CREB1: variants seen among roughly 807,000 people sequenced by gnomAD.
CREB1 encodes the protein cyclic AMP-responsive element-binding protein 1.
CREB1 carries 2 observed loss-of-function variants against 42.0 expected under a neutral mutation model. That is an observed-to-expected ratio of 0.05 (90% CI 0.02 to 0.15). CREB1 has a LOEUF of 0.15. Ranked by LOEUF, CREB1 falls within the 10% of genes least tolerant of loss-of-function variation. The probability of loss-of-function intolerance (pLI) is 1.00; values close to 1 mark genes in which losing one functional copy is unlikely to be tolerated. For synonymous variants in CREB1, 123 were observed against 139.9 expected, an observed-to-expected ratio of 0.88 and a Z score of 0.85; for missense variants, 199 against 388.9, an observed-to-expected ratio of 0.51 and a Z score of 4.11.
intron 7 of CREB1, among the ~76,000 whole-genome samples, chr2:207,588,438 A>G (rs1308910266): frequency 1.3e-5 from 2 of 152,104 alleles, no homozygotes; most frequent in Non-Finnish European, 2.9e-5. Context: ...AGTTCTGTAT[A>G]ATAAGTCTTG....
At chr2:207,579,173 A>T (rs577024688) in intron 7 of CREB1, among the ~76,000 whole-genome samples, 79 of 152,260 alleles carry the variant, frequency 5.2e-4, no homozygotes, top group South Asian at 2.1e-3. Context: ...TGCATTCATA[A>T]TTCAAATATA....
chr2:207,553,925 AAAAT>A (rs374772346), intron 1 of CREB1, among the ~76,000 whole-genome samples: 206 of 152,324 alleles, frequency 1.4e-3, no homozygotes, highest in South Asian at 4.6e-3. Flanking sequence ...CTTTTTTAAA[AAAAT>A]AAATGGGGCT....
At chr2:207,551,761 G>A (rs540792650) in intron 1 of CREB1, among the ~76,000 whole-genome samples, 7 of 152,000 alleles carry the variant, frequency 4.6e-5, no homozygotes, top group African/African-American at 1.2e-4. Context: ...GACATTTTTC[G>A]GCTGGGCACA....
At chr2:207,550,372 A>G (rs2081458543) in intron 1 of CREB1, 1 of 136,456 alleles carries the variant, frequency 7.3e-6, no homozygotes, top group Non-Finnish European at 1.6e-5. Context: ...CATGTGTTCC[A>G]TTAGTTATGA....
chr2:207,586,016 G>A (rs1180138443), intron 7 of CREB1, among the ~76,000 whole-genome samples: 3 of 152,068 alleles, frequency 2.0e-5, no homozygotes, highest in Non-Finnish European at 4.4e-5. Context: ...ATACAGGAAG[G>A]TCATATGTAC....
intron 7 of CREB1, 73 bp downstream of exon 7, chr2:207,577,728 A>C (rs1574883486): frequency 6.4e-7 from 1 of 1,553,426 alleles, no homozygotes. Flanking sequence ...GTGTATCTTT[A>C]CATCTACTGG....
In CREB1 at chr2:207,599,175, A is replaced by C. The variant is rs918796208; in HGVS notation, c.*2117A>C. The stretch of plus-strand genomic sequence containing the variant: ...ACCAGATTCTCAAGAAGGCTTTCAA[A>C]CAACTATAAAGTTTGATGTTTGTCC... On this transcript the variant is annotated 3_prime_UTR_variant, in exon 8 of 8. Coordinates refer to ENST00000353267, the MANE Select transcript of CREB1 (RefSeq NM_004379.5). 11 of 197,684 alleles carry C rather than the reference A, an allele frequency of 5.6e-5. No individual in the cohort carries two copies. Among genetic ancestry groups the C allele is most frequent in the Admixed American group, 4.8e-4 (8 of 16,572 alleles). 12.2% of individuals were successfully genotyped at this position (197,684 alleles called of 1,614,324 possible).
intron 1 of CREB1, among the ~76,000 whole-genome samples, chr2:207,533,037 C>G (rs2080716269): frequency 6.6e-6 from 1 of 151,674 alleles, no homozygotes; most frequent in Non-Finnish European, 1.5e-5. Context: ...AATTGTACTT[C>G]TGCACTGTTC....
At chr2:207,542,529 G>C (rs1169348429) in intron 1 of CREB1, among the ~76,000 whole-genome samples, 2 of 151,954 alleles carry the variant, frequency 1.3e-5, no homozygotes, top group Non-Finnish European at 2.9e-5. Context: ...TTGGCTTTTT[G>C]TTGTAATAGT....
chr2:207,551,544 C>T (rs191052177), intron 1 of CREB1, among the ~76,000 whole-genome samples: 2 of 152,244 alleles, frequency 1.3e-5, no homozygotes, highest in African/African-American at 2.4e-5. Flanking sequence ...GGTTGTATTA[C>T]AGTCTCATGG....
At chr2:207,562,384 T>C (rs942636163) in intron 3 of CREB1, among the ~76,000 whole-genome samples, 1 of 152,232 alleles carries the variant, frequency 6.6e-6, no homozygotes, top group African/African-American at 2.4e-5. Flanking sequence ...GTAATATGTG[T>C]TATTGTTGAT....
chr2:207,570,337 TTTCTGTTTC>T lies in CREB1; in HGVS notation c.505+18_505+26del, dbSNP rs2082307867. Reference sequence around the variant, plus strand: ...GGACAGTATAGTGAGTAATAGACAATTTCTGTTTCTATTGTGAGGAGAAAAAAGTGAGGA... The same window carrying T: ...GGACAGTATAGTGAGTAATAGACAATTATTGTGAGGAGAAAAAAGTGAGGA... On this transcript the variant is annotated intron_variant, in intron 5 of 7. Coordinates refer to ENST00000353267, the MANE Select transcript of CREB1 (RefSeq NM_004379.5). 1.3e-6 allele frequency: 2 copies of T among 1,575,010 alleles called. No homozygotes were observed. The highest frequency in any genetic ancestry group is 3.8e-5 in the Admixed American group (2 of 52,608).
chr2:207,597,959 A>G lies in CREB1; in HGVS notation c.*901A>G, dbSNP rs2086442194. On this transcript the variant is annotated 3_prime_UTR_variant, in exon 8 of 8. Transcript: ENST00000353267. ...TGTTATTGTCCTCACCTTCAAAAAT[A>G]TTTATATTGTCACTCATTTACGTAA... 1 of 184,750 alleles carries G rather than the reference A, an allele frequency of 5.4e-6. No homozygotes were observed. The highest frequency in any genetic ancestry group is 2.0e-4 in the South Asian group (1 of 5,106). 11.4% of individuals were successfully genotyped at this position (184,750 alleles called of 1,614,324 possible). A position where few individuals can be genotyped will look rare whatever the true frequency, so the allele number is the denominator to read the frequency against.
intron 3 of CREB1, among the ~76,000 whole-genome samples, chr2:207,564,549 C>T (rs2082072204): frequency 6.6e-6 from 1 of 151,850 alleles, no homozygotes. Flanking sequence ...TATATCCAAA[C>T]CATGAGTCTC....
chr2:207,561,183 G>A, intron 3 of CREB1: 1 of 1,584,744 alleles, frequency 6.3e-7, no homozygotes, highest in Non-Finnish European at 8.7e-7. Flanking sequence ...TCCTAGATTT[G>A]GAGAGAACTA....
intron 1 of CREB1, among the ~76,000 whole-genome samples, chr2:207,537,101 C>T (rs574088494): frequency 3.5e-4 from 54 of 152,150 alleles, no homozygotes; most frequent in African/African-American, 1.2e-3. Flanking sequence ...TGTTGCCAGG[C>T]TGGAGTGCAG....
At chr2:207,582,938 C>T (rs1248126546) in intron 7 of CREB1, 29 of 191,566 alleles carry the variant, frequency 1.5e-4, no homozygotes, top group Middle Eastern at 5.1e-4. Context: ...TATACATACA[C>T]ACACACATAC....
Position 207,572,240 on chromosome 2 carries a change from AAAAG to A in CREB1, c.505+1921_505+1924del, listed in dbSNP as rs200428307. On this transcript the variant is annotated intron_variant, in intron 5 of 7. Coordinates refer to ENST00000353267, the MANE Select transcript of CREB1 (RefSeq NM_004379.5). ...GATTCCGTCTCAAAAAAAAAAAAAA[AAAAG>A]AGAGATTAATACTTTGAAATTTTTA... Among the ~76,000 whole-genome samples, 848 of 151,788 alleles carry A rather than the reference AAAAG, an allele frequency of 5.6e-3. 4 individuals are homozygous for A. Among genetic ancestry groups the A allele is most frequent in the African/African-American group, 0.019 (806 of 41,370 alleles).
At chr2:207,543,476 G>C (rs1195107265) in intron 1 of CREB1, among the ~76,000 whole-genome samples, 1 of 152,136 alleles carries the variant, frequency 6.6e-6, no homozygotes, top group Non-Finnish European at 1.5e-5. Context: ...CTGAGTCGTG[G>C]AGAATTTAAG....
Sources: gnomAD v4.1 joint callset for allele counts (sites outside exome capture counted in the v4.1 genomes callset) on GRCh38, gnomAD v4.1.1 for gene constraint, MANE v1.5 for transcripts, NCBI Gene and HGNC (gene_info 2026-07-23, HGNC 2026-07-21) for gene names.